Variants in ESR1 observed in about 807,000 individuals in gnomAD.
ESR1 encodes estrogen receptor 1, also known as estrogen receptor.
ESR1 carries 12 observed loss-of-function variants against 52.7 expected under a neutral mutation model. The ratio of observed to expected loss-of-function variants is 0.23; its 90% CI spans 0.15 to 0.37. ESR1 has a LOEUF of 0.37. Among genes scored for constraint, ESR1 ranks in the 10% least tolerant of loss-of-function variants. The probability of loss-of-function intolerance (pLI) is 1.00; values close to 1 mark genes in which losing one functional copy is unlikely to be tolerated. For synonymous variants in ESR1, 305 were observed against 316.8 expected (o/e 0.96, Z 0.39); for missense variants, 584 against 779.7 (o/e 0.75, Z 2.99).
intron 4 of ESR1, among the ~76,000 whole-genome samples, chr6:151,992,170 C>T (rs963879695): frequency 2.0e-5 from 3 of 152,232 alleles, no homozygotes; most frequent in African/African-American, 2.4e-5. Context: ...ATATAAGTAA[C>T]GTACAATTTA....
chr6:151,740,285 A>ATTTTTTTTTTTTTTTTTTTT (rs386408967), intron 2 of ESR1, among the ~76,000 whole-genome samples: 10 of 107,996 alleles, frequency 9.3e-5, no homozygotes, highest in Non-Finnish European at 1.4e-4. Context: ...TGCCTGGCTA[A>ATTTTTTTTTTTTTTTTTTTT]TTTTTTTTTT....
intron 2 of ESR1, among the ~76,000 whole-genome samples, chr6:151,729,008 AACCACTGTGCTCTCCTTTTGG>A (rs1782047717): frequency 6.6e-6 from 1 of 152,254 alleles, no homozygotes; most frequent in African/African-American, 2.4e-5. Flanking sequence ...TATATTCCAC[AACCACTGTGCTCTCCTTTTGG>A]TGTTCATTTG....
At chr6:151,897,455 CT>C (rs1336300151) in intron 3 of ESR1, among the ~76,000 whole-genome samples, 1 of 152,128 alleles carries the variant, frequency 6.6e-6, no homozygotes, top group Non-Finnish European at 1.5e-5. Flanking sequence ...TCTTTTTTAA[CT>C]GCTGTTGTTT....
At chr6:151,750,735 C>CTT (rs1783838246) in intron 2 of ESR1, among the ~76,000 whole-genome samples, 3 of 152,020 alleles carry the variant, frequency 2.0e-5, no homozygotes, top group East Asian at 1.9e-4. Context: ...TTTGAAGATA[C>CTT]GGGACTTGAG....
intron 1 of ESR1, among the ~76,000 whole-genome samples, chr6:151,830,323 G>A (rs953891287): frequency 7.9e-5 from 12 of 151,970 alleles, no homozygotes; most frequent in East Asian, 3.9e-4. Context: ...CCTTTTTCTC[G>A]GTACTTTCCC....
intron 1 of ESR1, among the ~76,000 whole-genome samples, chr6:151,696,830 A>C (rs1410292496): frequency 6.6e-6 from 1 of 152,134 alleles, no homozygotes; most frequent in East Asian, 1.9e-4. Context: ...AAACAGAAGA[A>C]GGTATTTCTG....
rs1401887841 is a variant in ESR1, at chr6:152,099,738, C to T, written c.*772C>T. The T allele has an allele frequency of 6.1e-6, 2 of 325,896 alleles. No homozygotes were observed. The highest frequency in any genetic ancestry group is 4.4e-5 in the East Asian group (1 of 22,506). 20.2% of individuals were successfully genotyped at this position (325,896 alleles called of 1,614,324 possible). On this transcript the variant is annotated 3_prime_UTR_variant, in exon 8 of 8. Coordinates refer to ENST00000206249, the MANE Select transcript of ESR1 (RefSeq NM_000125.4). ...GCAAGTTGATCTTAGTTAAGTCTCC[C>T]TATATGAGGGATAAGTTCCTGATTT...
At chr6:152,092,499 C>T (rs1342010333) in intron 6 of ESR1, among the ~76,000 whole-genome samples, 2 of 152,204 alleles carry the variant, frequency 1.3e-5, no homozygotes, top group African/African-American at 4.8e-5. Context: ...ACCATGTTAT[C>T]CGCATAAAGT....
At chr6:151,880,372 G>A (rs1365774880) in intron 2 of ESR1, among the ~76,000 whole-genome samples, 1 of 151,740 alleles carries the variant, frequency 6.6e-6, no homozygotes, top group African/African-American at 2.4e-5. Flanking sequence ...TAGTAGAGAC[G>A]GGGTTTCACC....
chr6:152,017,134 T>C (rs913613259), intron 5 of ESR1, among the ~76,000 whole-genome samples: 2 of 152,178 alleles, frequency 1.3e-5, no homozygotes. Context: ...GGTTTGGTGA[T>C]TATAAGAGTA....
At chr6:151,798,997 G>A (rs186020343) in intron 2 of ESR1, among the ~76,000 whole-genome samples, 2 of 152,306 alleles carry the variant, frequency 1.3e-5, no homozygotes, top group East Asian at 3.9e-4. Context: ...TTCTTTATCA[G>A]TGATTTGGGA....
At chr6:151,822,128 T>C (rs1392652108) in intron 1 of ESR1, among the ~76,000 whole-genome samples, 1 of 152,202 alleles carries the variant, frequency 6.6e-6, no homozygotes, top group Non-Finnish European at 1.5e-5. Context: ...ACTGCTAGAA[T>C]TGTCAGTTAA....
intron 6 of ESR1, among the ~76,000 whole-genome samples, chr6:152,076,448 T>G (rs535551372): frequency 6.6e-6 from 1 of 152,152 alleles, no homozygotes. Context: ...GAAAATGGAC[T>G]AATACAGTAA....
chr6:151,880,798 T>C, intron 3 of ESR1, 27 bp downstream of exon 3: 1 of 1,228,480 alleles, frequency 8.1e-7, no homozygotes, highest in South Asian at 1.2e-5. Flanking sequence ...CAGGGGCCCT[T>C]GGGGATGGCC....
intron 2 of ESR1, among the ~76,000 whole-genome samples, chr6:151,709,368 TTATC>T (rs1780415164): frequency 6.6e-6 from 1 of 152,252 alleles, no homozygotes; most frequent in Non-Finnish European, 1.5e-5. Context: ...CATATTTTCT[TTATC>T]CATTCATCTG....
At chr6:151,956,632 A>G (rs935109441) in intron 4 of ESR1, among the ~76,000 whole-genome samples, 1 of 151,886 alleles carries the variant, frequency 6.6e-6, no homozygotes, top group Non-Finnish European at 1.5e-5. Flanking sequence ...AACAATTTGA[A>G]TTCTAGGACA....
chr6:152,055,309 G>T (rs149849151), intron 5 of ESR1, among the ~76,000 whole-genome samples: 2 of 152,182 alleles, frequency 1.3e-5, no homozygotes, highest in Non-Finnish European at 2.9e-5. Flanking sequence ...AACCAAGCAC[G>T]CCAGGGTTCA....
chr6:152,124,561 G>A (rs1051699056), intron 6 of ESR1, among the ~76,000 whole-genome samples: 6 of 152,072 alleles, frequency 3.9e-5, no homozygotes, highest in African/African-American at 7.2e-5. Context: ...ACTGTTCGAT[G>A]TTTTTGTCTT....
intron 1 of ESR1, among the ~76,000 whole-genome samples, chr6:151,701,441 A>C (rs1048608157): frequency 3.3e-5 from 5 of 151,110 alleles, no homozygotes; most frequent in Non-Finnish European, 7.4e-5. Context: ...AGGCAGAAGA[A>C]ATGCTTGAAC....
Sources: allele counts gnomAD v4.1 joint callset (sites outside exome capture counted in the v4.1 genomes callset), GRCh38; gene constraint gnomAD v4.1.1; transcripts MANE v1.5; gene names NCBI Gene and HGNC (gene_info 2026-07-23, HGNC 2026-07-21).